Variants in RUBCN observed in about 807,000 individuals in gnomAD.
RUBCN encodes rubicon autophagy regulator.
RUBCN carries 74 observed loss-of-function variants against 113.2 expected under a neutral mutation model. That is an observed-to-expected ratio of 0.65 (90% CI 0.54 to 0.79). The LOEUF (loss-of-function observed/expected upper bound fraction) is 0.79. Among genes scored for constraint, RUBCN ranks in the 30% least tolerant of loss-of-function variants. The pLI, the probability that RUBCN is intolerant of heterozygous loss-of-function variation, is 0.00. For missense variants in RUBCN, 1,109 were observed against 1,251.7 expected (o/e 0.89, Z 1.72); for synonymous variants, 480 against 490.0 (o/e 0.98, Z 0.27).
Position 197,670,668 on chromosome 3 carries a change from A to C in RUBCN, c.*4350T>G, listed in dbSNP as rs1719701390. Among the ~76,000 whole-genome samples the C allele has an allele frequency of 6.6e-6, 1 of 152,258 alleles. No homozygotes were observed. The highest frequency in any genetic ancestry group is 2.4e-5 in the African/African-American group (1 of 41,472). On this transcript the variant is annotated 3_prime_UTR_variant, in exon 20 of 20. Transcript: ENST00000296343. ...ATTTTATCAACTTCAGCAGTCTTTC[A>C]CATGGCTTTTTCATTCTCCTCTCAG...
intron 1 of RUBCN, among the ~76,000 whole-genome samples, chr3:197,726,936 T>G (rs1726825113): frequency 6.9e-6 from 1 of 144,968 alleles, no homozygotes; most frequent in African/African-American, 2.7e-5. Flanking sequence ...TAGATGCACA[T>G]TCTATTTTTT....
In RUBCN at chr3:197,736,786, C is replaced by T. The variant is rs901959204; in HGVS notation, c.-67G>A. 5 of 1,501,428 alleles carry T rather than the reference C, an allele frequency of 3.3e-6. No individual in the cohort carries two copies. The highest frequency in any genetic ancestry group is 4.3e-5 in the Admixed American group (2 of 46,982). The allele number at this position is 1,501,428 out of a possible 1,614,324, so 93.0% of individuals were successfully genotyped here. Reference sequence around the variant, plus strand: ...CTGCCGCTTCGCCCTTCAGGGCTCCCGGGGCCCCCTGGGGCCGGAGGAGGC... The same window carrying T: ...CTGCCGCTTCGCCCTTCAGGGCTCCTGGGGCCCCCTGGGGCCGGAGGAGGC... On this transcript the variant is annotated 5_prime_UTR_variant, in exon 1 of 20. Transcript: ENST00000296343.
Position 197,691,240 on chromosome 3 carries a change from G to A in RUBCN, c.1786+2475C>T, listed in dbSNP as rs913447958. ...CCATATGTTCCTGGAATCAAAACTT[G>A]CCATTTGCTCCCAAACATGAAATGG... On this transcript the variant is annotated intron_variant, in intron 11 of 19. Coordinates refer to ENST00000296343, the MANE Select transcript of RUBCN (RefSeq NM_014687.4). 11 of 691,984 alleles carry A rather than the reference G, an allele frequency of 1.6e-5. No homozygotes were observed. In the African/African-American group the frequency reaches 1.9e-4, roughly 12 times the overall value. The allele number at this position is 691,984 out of a possible 1,614,324, so 42.9% of individuals were successfully genotyped here.
Position 197,675,567 on chromosome 3 carries a change from G to A in RUBCN, c.2647-52C>T, listed in dbSNP as rs774357646. On this transcript the variant is annotated intron_variant, in intron 18 of 19. Coordinates refer to ENST00000296343, the MANE Select transcript of RUBCN (RefSeq NM_014687.4). This position sits in a 1 kb window ranked among gnomAD's most constrained non-coding sequence, Gnocchi z 4.4. ...AATGAGGAGCGGCACATCAGGAACT[G>A]GCACGGGAGGGTGAACACCGAGGAG... The A allele has an allele frequency of 8.9e-6, 12 of 1,353,412 alleles. No homozygotes were observed. Among genetic ancestry groups the A allele is most frequent in the Non-Finnish European group, 1.2e-5 (11 of 945,936 alleles). The allele number at this position is 1,353,412 out of a possible 1,614,324, so 83.8% of individuals were successfully genotyped here.
In RUBCN at chr3:197,675,750, C is replaced by T. The variant is rs1159709296; in HGVS notation, c.2647-235G>A. ...GCCGGAGAAGCTCCGACCCCCAGCGCGGCTCTCCATGAAGAGAGGAGAAGG... is the reference window on the plus strand; with the variant it reads ...GCCGGAGAAGCTCCGACCCCCAGCGTGGCTCTCCATGAAGAGAGGAGAAGG... On this transcript the variant is annotated intron_variant, in intron 18 of 19. Transcript: ENST00000296343. This position sits in a 1 kb window ranked among gnomAD's most constrained non-coding sequence, Gnocchi z 4.4. Among the ~76,000 whole-genome samples the T allele has an allele frequency of 2.6e-5, 4 of 151,904 alleles. No homozygotes were observed. The highest frequency in any genetic ancestry group is 4.4e-5 in the Non-Finnish European group (3 of 68,014).
At chr3:197,708,611 T>C (rs1450913996) in intron 2 of RUBCN, among the ~76,000 whole-genome samples, 1 of 151,438 alleles carries the variant, frequency 6.6e-6, no homozygotes, top group Non-Finnish European at 1.5e-5. Flanking sequence ...AGAATGGCTT[T>C]CCAATTCTCC....
intron 1 of RUBCN, among the ~76,000 whole-genome samples, chr3:197,732,699 G>A (rs1440693566): frequency 6.6e-6 from 1 of 152,278 alleles, no homozygotes; most frequent in Non-Finnish European, 1.5e-5. Flanking sequence ...AAGCCCCAGA[G>A]CATCTGGCTG....
At position 197,736,697 on chromosome 3, in the gene RUBCN, A is replaced by T; in HGVS notation, c.23T>A (p.Met8Lys). The T allele has an allele frequency of 2.0e-6, 3 of 1,531,304 alleles. No individual in the cohort carries two copies. Among genetic ancestry groups the T allele is most frequent in the Non-Finnish European group, 2.6e-6 (3 of 1,145,726 alleles). 94.9% of individuals were successfully genotyped at this position (1,531,304 alleles called of 1,614,324 possible). A position where few individuals can be genotyped will look rare whatever the true frequency, so the allele number is the denominator to read the frequency against. The change falls in exon 1 of 20, where the codon ATG becomes AAG. Residue 8 changes from methionine (M) to lysine (K), a missense_variant. By Grantham distance (95) the Met-to-Lys change is moderately conservative. Coordinates refer to ENST00000296343, the MANE Select transcript of RUBCN (RefSeq NM_014687.4). MRPEGAG[M>K]ELGGGEERLP... ...GCGCTCCTCGCCGCCTCCGAGCTCCATTCCCGCGCCCTCCGGCCGCATCCG... is the reference window on the plus strand; with the variant it reads ...GCGCTCCTCGCCGCCTCCGAGCTCCTTTCCCGCGCCCTCCGGCCGCATCCG...
rs1720173538 is a variant in RUBCN, at chr3:197,674,924, AAAAG to A, written c.*90_*93del. 7.2e-6 allele frequency: 8 copies of A among 1,111,176 alleles called. No homozygotes were observed. The highest frequency in any genetic ancestry group is 6.8e-5 in the South Asian group (4 of 59,046). 68.8% of individuals were successfully genotyped at this position (1,111,176 alleles called of 1,614,324 possible). On this transcript the variant is annotated 3_prime_UTR_variant, in exon 20 of 20. Transcript: ENST00000296343. ...GATGATAATTAAAAAAAAAAAAAAA[AAAAG>A]AAGCCCCAGGTGGGGCGAGTCCTTC...
At chr3:197,693,235 T>A (rs566277697) in intron 11 of RUBCN, among the ~76,000 whole-genome samples, 1 of 152,352 alleles carries the variant, frequency 6.6e-6, no homozygotes, top group Admixed American at 6.5e-5. Context: ...TGCTGAGCAG[T>A]GAGCACCGAC....
intron 5 of RUBCN, 139 bp from the exon 6 acceptor site, chr3:197,702,003 C>G (rs1203843913): frequency 4.0e-6 from 3 of 755,792 alleles, no homozygotes; most frequent in East Asian, 2.7e-5. Flanking sequence ...CCTGTAGATA[C>G]AGCAAGGCTA....
chr3:197,676,329 G>T, intron 18 of RUBCN: 1 of 1,000,704 alleles, frequency 1.0e-6, no homozygotes, highest in South Asian at 4.3e-5. Flanking sequence ...CATGACAACT[G>T]CCTTTTTTTT....
chr3:197,687,499 T>G lies in RUBCN; in HGVS notation c.1787-3282A>C, dbSNP rs567895200. ...AACATTTCTCCTTTGCCAGCTGGCATGATGTGAGGTTTTGTGGTAGGGGGC... is the reference window on the plus strand; with the variant it reads ...AACATTTCTCCTTTGCCAGCTGGCAGGATGTGAGGTTTTGTGGTAGGGGGC... On this transcript the variant is annotated intron_variant, in intron 11 of 19. Transcript: ENST00000296343. Among the ~76,000 whole-genome samples the G allele has an allele frequency of 3.9e-5, 6 of 152,304 alleles. No homozygotes were observed. In the East Asian group the frequency reaches 1.2e-3, roughly 29 times the overall value.
rs1178858573 is a variant in RUBCN at position 197,701,772 on chromosome 3, A to G, written c.663T>C (p.Tyr221=). ...AGGACCCAAAGTAGGAATGCTGAGC[A>G]TAGCTGTTTGGAGGGGTGTATGTGG... The part of the protein sequence containing the change: ...PSSTYTPPNS[Y]AQHSYFGSFS... The change falls in exon 6 of 20, where the codon TAT becomes TAC. Residue 221 remains tyrosine, a synonymous_variant. Coordinates refer to ENST00000296343, the MANE Select transcript of RUBCN (RefSeq NM_014687.4). The G allele has an allele frequency of 8.7e-6, 14 of 1,613,996 alleles. No homozygotes were observed. The East Asian group carries it at 2.7e-4, about 31-fold the overall frequency.
chr3:197,701,234 A>T, intron 6 of RUBCN, 88 bp from the exon 7 acceptor site: 1 of 1,197,130 alleles, frequency 8.4e-7, no homozygotes, highest in Non-Finnish European at 1.1e-6. Context: ...AGGACATACG[A>T]TGTCACCTCA....
intron 1 of RUBCN, among the ~76,000 whole-genome samples, chr3:197,734,300 C>T (rs1407338452): frequency 1.3e-5 from 2 of 149,234 alleles, no homozygotes; most frequent in Admixed American, 6.7e-5. Context: ...CCGGCATGGT[C>T]GCTCATGCCT....
upstream of RUBCN, among the ~76,000 whole-genome samples, chr3:197,737,534 A>G (rs564272916): frequency 1.2e-4 from 18 of 152,024 alleles, no homozygotes; most frequent in African/African-American, 4.1e-4. Flanking sequence ...TGGCTTGGGA[A>G]CTGCAGGTGC....
At chr3:197,720,575 T>C (rs1726035897) in intron 1 of RUBCN, among the ~76,000 whole-genome samples, 1 of 152,046 alleles carries the variant, frequency 6.6e-6, no homozygotes, top group Non-Finnish European at 1.5e-5. Flanking sequence ...GTCTGGCTAA[T>C]TTTTGTATTT....
At position 197,681,804 on chromosome 3, in the gene RUBCN, A is replaced by T. The variant is rs1262937700; in HGVS notation, c.2191+31T>A. Reference sequence around the variant, plus strand: ...GTCGGGGAGGGTACAGAGCCTCTGGAGGCAGCATGGTGGGAAGGGAAGGCA... The same window carrying T: ...GTCGGGGAGGGTACAGAGCCTCTGGTGGCAGCATGGTGGGAAGGGAAGGCA... On this transcript the variant is annotated intron_variant, in intron 15 of 19. Coordinates refer to ENST00000296343, the MANE Select transcript of RUBCN (RefSeq NM_014687.4). This position sits in a 1 kb window ranked among gnomAD's most constrained non-coding sequence, Gnocchi z 5.5. 1 of 1,598,412 alleles carries T rather than the reference A, an allele frequency of 6.3e-7. No homozygotes were observed. Among genetic ancestry groups the T allele is most frequent in the Non-Finnish European group, 8.6e-7 (1 of 1,165,796 alleles).
Sources: allele counts gnomAD v4.1 joint callset (sites outside exome capture counted in the v4.1 genomes callset), GRCh38; gene constraint gnomAD v4.1.1; non-coding constraint Gnocchi (gnomAD v3.1); transcripts MANE v1.5; gene names NCBI Gene and HGNC (gene_info 2026-07-23, HGNC 2026-07-21).